The following DUSP6 variants were observed in gnomAD, a reference collection of about 807,000 sequenced individuals.
DUSP6 encodes dual specificity protein phosphatase 6.
DUSP6 carries 6 observed loss-of-function variants against 28.0 expected under a neutral mutation model. The ratio of observed to expected loss-of-function variants is 0.21; its 90% CI spans 0.12 to 0.42. The LOEUF is 0.42. Among genes scored for constraint, DUSP6 ranks in the 10% least tolerant of loss-of-function variants. The pLI, the probability that DUSP6 is intolerant of heterozygous loss-of-function variation, is 1.00. For synonymous variants in DUSP6, 252 were observed against 217.5 expected (o/e 1.16, Z -1.40); for missense variants, 451 against 498.1 (o/e 0.91, Z 0.90).
chr12:89,348,976 C>G lies in DUSP6; in HGVS notation c.*278G>C. ...GGTTCTACCCTATGCGCCTGGAAGT[C>G]CTCGAATCCCAGTCCCTGCATGGGT... On this transcript the variant is annotated 3_prime_UTR_variant, in exon 3 of 3. Transcript: ENST00000279488. 2.7e-6 allele frequency: 1 copy of G among 371,986 alleles called. No individual in the cohort carries two copies. The allele number at this position is 371,986 out of a possible 1,614,324, so 23.0% of individuals were successfully genotyped here. A position where few individuals can be genotyped will look rare whatever the true frequency, so the allele number is the denominator to read the frequency against.
rs1414560882 is a variant in DUSP6, at chr12:89,347,281, C to A, written c.*1973G>T. The A allele has an allele frequency of 6.6e-6, 1 of 152,108 alleles. No individual in the cohort carries two copies. The highest frequency in any genetic ancestry group is 2.4e-5 in the African/African-American group (1 of 41,402). The allele number at this position is 152,108 out of a possible 1,614,324, so 9.4% of individuals were successfully genotyped here. ...TTTTATTTTGGTTTGTGTATTTTTA[C>A]ATTTGAGGTAAGGAGAGGGTAGGTC... On this transcript the variant is annotated 3_prime_UTR_variant, in exon 3 of 3. Transcript: ENST00000279488.
In DUSP6 at chr12:89,352,192, G is replaced by T; in HGVS notation, c.-153C>A. On this transcript the variant is annotated 5_prime_UTR_variant, in exon 1 of 3. Transcript: ENST00000279488. ...GCCGAGGCTAGCGGTTGGGGCAGACGAGACAGAAGTAAAGCCGGAGGTTCT... is the reference window on the plus strand; with the variant it reads ...GCCGAGGCTAGCGGTTGGGGCAGACTAGACAGAAGTAAAGCCGGAGGTTCT... 1 of 1,183,068 alleles carries T rather than the reference G, an allele frequency of 8.5e-7. No individual in the cohort carries two copies. Among genetic ancestry groups the T allele is most frequent in the Non-Finnish European group, 1.2e-6 (1 of 854,252 alleles). 73.3% of individuals were successfully genotyped at this position (1,183,068 alleles called of 1,614,324 possible).
At chr12:89,349,640 T>G in intron 2 of DUSP6, 79 bp from the exon 3 acceptor site, 1 of 1,087,146 alleles carries the variant, frequency 9.2e-7, no homozygotes, top group South Asian at 1.6e-5. Context: ...AAAACTGAAC[T>G]TGAAAACATA....
Position 89,350,996 on chromosome 12 carries a change from A to T in DUSP6, c.430T>A (p.Ser144Thr). The change falls in exon 2 of 3, where the codon TCC becomes ACC. Residue 144 changes from serine (S) to threonine (T), a missense_variant. This residue lies in a region of DUSP6 where 347 missense variants were observed against 346.6 expected (regional missense o/e 1.00). Transcript: ENST00000279488. The part of the protein sequence containing the change: ...GGFSKFQAEF[S>T]LHCETNLDGS... ...TCTAGATTGGTCTCGCAATGCAGGGAGAACTCGGCTTGGAACTTACTGAAG... is the reference window on the plus strand; with the variant it reads ...TCTAGATTGGTCTCGCAATGCAGGGTGAACTCGGCTTGGAACTTACTGAAG... 6.2e-7 allele frequency: 1 copy of T among 1,605,526 alleles called. No individual in the cohort carries two copies. Among genetic ancestry groups the T allele is most frequent in the Admixed American group, 1.7e-5 (1 of 58,526 alleles).
At position 89,352,175 on chromosome 12, in the gene DUSP6, T is replaced by C. The variant is rs1296257612; in HGVS notation, c.-136A>G. 1.3e-5 allele frequency: 17 copies of C among 1,353,258 alleles called. No individual in the cohort carries two copies. Among genetic ancestry groups the C allele is most frequent in the East Asian group, 2.3e-5 (1 of 42,922 alleles). The allele number at this position is 1,353,258 out of a possible 1,614,324, so 83.8% of individuals were successfully genotyped here. On this transcript the variant is annotated 5_prime_UTR_variant, in exon 1 of 3. Coordinates refer to ENST00000279488, the MANE Select transcript of DUSP6 (RefSeq NM_001946.4). ...CGCCTCGCCTTACCCAAGCCGAGGC[T>C]AGCGGTTGGGGCAGACGAGACAGAA...
Position 89,352,126 on chromosome 12 carries a change from C to T in DUSP6, c.-87G>A, listed in dbSNP as rs116765964. ...CCGAGCGCACCGCGCGCGAAGCTGCCGCTCTCGGAGCGGGGTTTAATTCCG... is the reference window on the plus strand; with the variant it reads ...CCGAGCGCACCGCGCGCGAAGCTGCTGCTCTCGGAGCGGGGTTTAATTCCG... On this transcript the variant is annotated 5_prime_UTR_variant, in exon 1 of 3. Coordinates refer to ENST00000279488, the MANE Select transcript of DUSP6 (RefSeq NM_001946.4). 0.02 allele frequency: 30,070 copies of T among 1,526,156 alleles called. 401 individuals are homozygous for T. The highest frequency in any genetic ancestry group is 0.053 in the African/African-American group (3,824 of 72,514). The allele number at this position is 1,526,156 out of a possible 1,614,324, so 94.5% of individuals were successfully genotyped here. A position where few individuals can be genotyped will look rare whatever the true frequency, so the allele number is the denominator to read the frequency against.
At chr12:89,350,346 G>T (rs943939249) in intron 2 of DUSP6, among the ~76,000 whole-genome samples, 7 of 152,204 alleles carry the variant, frequency 4.6e-5, no homozygotes, top group African/African-American at 1.4e-4. Context: ...GACTGTCAAT[G>T]ACTGAATTCA....
chr12:89,351,460 G>A (rs1051909547), intron 1 of DUSP6, 180 bp downstream of exon 1: 2 of 1,087,332 alleles, frequency 1.8e-6, no homozygotes, highest in Non-Finnish European at 2.5e-6. Flanking sequence ...AGCCGGCCCG[G>A]TTCTCTGGTG....
At chr12:89,351,582 C>T (rs1298504358) in intron 1 of DUSP6, 58 bp downstream of exon 1, 4 of 1,497,370 alleles carry the variant, frequency 2.7e-6, no homozygotes, top group Admixed American at 2.2e-5. Context: ...CCACGCGCCC[C>T]GCCCGCAGCC....
At chr12:89,351,205 C>A (rs1453375353) in intron 1 of DUSP6, 180 bp from the exon 2 acceptor site, 9 of 754,078 alleles carry the variant, frequency 1.2e-5, no homozygotes, top group Non-Finnish European at 1.9e-5. Context: ...ACGAACGGGC[C>A]CGCCTCGCCA....
In DUSP6 at chr12:89,349,007, G is replaced by C. The variant is rs959330146; in HGVS notation, c.*247C>G. On this transcript the variant is annotated 3_prime_UTR_variant, in exon 3 of 3. Transcript: ENST00000279488. ...ATCCCAGTCCCTGCATGGGTAGGCTGTACACATGGGTACAGAGCAAACCTA... is the reference window on the plus strand; with the variant it reads ...ATCCCAGTCCCTGCATGGGTAGGCTCTACACATGGGTACAGAGCAAACCTA... 8.5e-6 allele frequency: 4 copies of C among 470,254 alleles called. No homozygotes were observed. The highest frequency in any genetic ancestry group is 3.5e-5 in the Admixed American group (1 of 28,614). The allele number at this position is 470,254 out of a possible 1,614,324, so 29.1% of individuals were successfully genotyped here. A position where few individuals can be genotyped will look rare whatever the true frequency, so the allele number is the denominator to read the frequency against.
Position 89,349,155 on chromosome 12 carries a change from C to T in DUSP6, c.*99G>A. 1 of 1,334,650 alleles carries T rather than the reference C, an allele frequency of 7.5e-7. No individual in the cohort carries two copies. Among genetic ancestry groups the T allele is most frequent in the Non-Finnish European group, 1.0e-6 (1 of 976,512 alleles). The allele number at this position is 1,334,650 out of a possible 1,614,324, so 82.7% of individuals were successfully genotyped here. A position where few individuals can be genotyped will look rare whatever the true frequency, so the allele number is the denominator to read the frequency against. On this transcript the variant is annotated 3_prime_UTR_variant, in exon 3 of 3. Coordinates refer to ENST00000279488, the MANE Select transcript of DUSP6 (RefSeq NM_001946.4). ...GTACAGACAGCTGGTGTCATTTTGA[C>T]ACCTGGGGCCACACACAAAGAAAGC...
rs758302710 is a variant in DUSP6, at chr12:89,350,867, C to G, written c.559G>C (p.Asp187His). Reference sequence around the variant, plus strand: ...TCCGAGTCTGTTGCACTATTGGGGTCTCGGTCAAGGTCAGACTCGATGTCC... The same window carrying G: ...TCCGAGTCTGTTGCACTATTGGGGTGTCGGTCAAGGTCAGACTCGATGTCC... ...SSDIESDLDR[D>H]PNSATDSDGS... The change falls in exon 2 of 3, where the codon GAC (aspartate) becomes CAC (histidine). Residue 187 changes from aspartate (D) to histidine (H), a missense_variant. Asp to His is a moderately conservative substitution (Grantham distance 81). This residue lies in a region of DUSP6 where 347 missense variants were observed against 346.6 expected (regional missense o/e 1.00). Coordinates refer to ENST00000279488, the MANE Select transcript of DUSP6 (RefSeq NM_001946.4). The G allele has an allele frequency of 6.2e-7, 1 of 1,613,994 alleles. No individual in the cohort carries two copies. The highest frequency in any genetic ancestry group is 8.5e-7 in the Non-Finnish European group (1 of 1,179,964).
At position 89,352,340 on chromosome 12, in the gene DUSP6, G is replaced by A; in HGVS notation, c.-301C>T. The stretch of plus-strand genomic sequence containing the variant: ...CAATTAATTCGGACTCCGTGCTACT[G>A]AGAGGGGAGGAAAAAAAGTCTAGCG... On this transcript the variant is annotated 5_prime_UTR_variant, in exon 1 of 3. Transcript: ENST00000279488. 4 of 404,048 alleles carry A rather than the reference G, an allele frequency of 9.9e-6. No individual in the cohort carries two copies. The highest frequency in any genetic ancestry group is 1.8e-5 in the Non-Finnish European group (4 of 221,338). The allele number at this position is 404,048 out of a possible 1,614,324, so 25.0% of individuals were successfully genotyped here.
At position 89,347,490 on chromosome 12, in the gene DUSP6, G is replaced by A. The variant is rs2291613; in HGVS notation, c.*1764C>T. The A allele has an allele frequency of 0.031, 4,673 of 152,244 alleles. 98 individuals are homozygous for A. The highest frequency in any genetic ancestry group is 0.066 in the African/African-American group (2,737 of 41,518). The allele number at this position is 152,244 out of a possible 1,614,324, so 9.4% of individuals were successfully genotyped here. ...AAATTCTAAAGCCATATCCTGACAC[G>A]GTGAGGAAGCTTAGATATGCCTTGC... On this transcript the variant is annotated 3_prime_UTR_variant, in exon 3 of 3. Coordinates refer to ENST00000279488, the MANE Select transcript of DUSP6 (RefSeq NM_001946.4).
Position 89,347,756 on chromosome 12 carries a change from T to C in DUSP6, c.*1498A>G, listed in dbSNP as rs758542062. The C allele has an allele frequency of 2.0e-5, 3 of 152,230 alleles. No individual in the cohort carries two copies. The highest frequency in any genetic ancestry group is 3.8e-4 in the East Asian group (2 of 5,206). 9.4% of individuals were successfully genotyped at this position (152,230 alleles called of 1,614,324 possible). On this transcript the variant is annotated 3_prime_UTR_variant, in exon 3 of 3. Transcript: ENST00000279488. ...CACCTCTCTGTGGTTAATATCCAAA[T>C]TGTATTCCTCAGCAAGCTATGCTCT...
In DUSP6 at chr12:89,350,949, C is replaced by G; in HGVS notation, c.477G>C (p.Ser159=). The change falls in exon 2 of 3, where the codon TCG becomes TCC. Residue 159 remains serine, a synonymous_variant. Coordinates refer to ENST00000279488, the MANE Select transcript of DUSP6 (RefSeq NM_001946.4). ...TNLDGSCSSS[S]PPLPVLGLGG... ...CGAGCCCCAGCACTGGCAACGGCGG[C>G]GAGCTGCTGCTACACGAGCCGTCTA... 1 of 1,613,000 alleles carries G rather than the reference C, an allele frequency of 6.2e-7. No individual in the cohort carries two copies. Among genetic ancestry groups the G allele is most frequent in the Non-Finnish European group, 8.5e-7 (1 of 1,179,760 alleles).
At position 89,352,118 on chromosome 12, in the gene DUSP6, G is replaced by T; in HGVS notation, c.-79C>A. The T allele has an allele frequency of 4.6e-6, 7 of 1,528,410 alleles. No homozygotes were observed. The highest frequency in any genetic ancestry group is 2.1e-5 in the Admixed American group (1 of 48,478). The allele number at this position is 1,528,410 out of a possible 1,614,324, so 94.7% of individuals were successfully genotyped here. A position where few individuals can be genotyped will look rare whatever the true frequency, so the allele number is the denominator to read the frequency against. ...GGCATAGGCCGAGCGCACCGCGCGC[G>T]AAGCTGCCGCTCTCGGAGCGGGGTT... On this transcript the variant is annotated 5_prime_UTR_variant, in exon 1 of 3. Coordinates refer to ENST00000279488, the MANE Select transcript of DUSP6 (RefSeq NM_001946.4).
At chr12:89,349,669 T>G in intron 2 of DUSP6, 108 bp from the exon 3 acceptor site, 1 of 819,508 alleles carries the variant, frequency 1.2e-6, no homozygotes, top group Non-Finnish European at 1.9e-6. Flanking sequence ...AATAGTTGTG[T>G]GTGGCAGTTG....
Sources: gnomAD v4.1 joint callset for allele counts (sites outside exome capture counted in the v4.1 genomes callset) on GRCh38, gnomAD v4.1.1 for gene constraint, gnomAD v4.1.1 regional missense constraint, MANE v1.5 for transcripts, NCBI Gene and HGNC (gene_info 2026-07-23, HGNC 2026-07-21) for gene names.